Variants in DAB2IP observed in about 807,000 individuals in gnomAD.
DAB2IP encodes the protein disabled homolog 2-interacting protein.
A neutral mutation model predicts 107.2 loss-of-function variants in DAB2IP; 28 were observed. The ratio of observed to expected loss-of-function variants is 0.26; its 90% CI spans 0.19 to 0.36. The LOEUF is 0.36. DAB2IP is among the 10% of genes least tolerant of loss of function. The pLI is 1.00. For missense variants in DAB2IP, 1,400 were observed against 1,644.7 expected (o/e 0.85, Z 2.57); for synonymous variants, 755 against 706.4 (o/e 1.07, Z -1.09).
chr9:121,730,482 GAACC>G (rs1204570374), intron 3 of DAB2IP, among the ~76,000 whole-genome samples: 4 of 152,200 alleles, frequency 2.6e-5, no homozygotes, highest in African/African-American at 4.8e-5. Context: ...TCAGTGAATA[GAACC>G]TATCACCCTC....
At chr9:121,767,221 A>G (rs895928580) in intron 9 of DAB2IP, among the ~76,000 whole-genome samples, 1 of 152,204 alleles carries the variant, frequency 6.6e-6, no homozygotes, top group Non-Finnish European at 1.5e-5. Context: ...CCTTAGAGCA[A>G]GTGGGCAGAA....
intron 3 of DAB2IP, among the ~76,000 whole-genome samples, chr9:121,753,752 C>T (rs566200304): frequency 2.0e-5 from 3 of 152,206 alleles, no homozygotes; most frequent in African/African-American, 7.2e-5. Context: ...AGGTGGGTGC[C>T]TACAGGCATC....
chr9:121,590,226 G>A (rs1483727292), intron 1 of DAB2IP, among the ~76,000 whole-genome samples: 3 of 149,808 alleles, frequency 2.0e-5, no homozygotes, highest in South Asian at 2.2e-4. Context: ...CTTATGCTCC[G>A]TGACCGTCAT....
Position 121,607,895 on chromosome 9 carries a change from C to T in DAB2IP, c.40+40667C>T, listed in dbSNP as rs187669813. 1.9e-3 allele frequency among the ~76,000 whole-genome samples: 288 copies of T among 152,352 alleles called. 4 individuals carry two copies. Among genetic ancestry groups the T allele is most frequent in the Middle Eastern group, 3.4e-3 (1 of 294 alleles). ...TGTGACAACTGAGTCTACCAGGCAA[C>T]GGCTGTTTGCCGGGAGCAGCAGGAC... On this transcript the variant is annotated intron_variant, in intron 1 of 16. Coordinates refer to the DAB2IP transcript ENST00000259371.
At position 121,776,512 on chromosome 9, in the gene DAB2IP, G is replaced by A; in HGVS notation, c.3314+121G>A. 1 of 1,176,578 alleles carries A rather than the reference G, an allele frequency of 8.5e-7. No homozygotes were observed. The highest frequency in any genetic ancestry group is 1.6e-5 in the African/African-American group (1 of 64,512). The allele number at this position is 1,176,578 out of a possible 1,614,324, so 72.9% of individuals were successfully genotyped here. A position where few individuals can be genotyped will look rare whatever the true frequency, so the allele number is the denominator to read the frequency against. Reference sequence around the variant, plus strand: ...ATAAGCTGAATGTGGAGAGAGGAGGGAAGAGAGTGTCTGGGCAGTGGGAGC... The same window carrying A: ...ATAAGCTGAATGTGGAGAGAGGAGGAAAGAGAGTGTCTGGGCAGTGGGAGC... On this transcript the variant is annotated intron_variant, in intron 14 of 15. Coordinates refer to ENST00000408936, the Ensembl canonical transcript of DAB2IP. This position sits in a 1 kb window ranked among gnomAD's most constrained non-coding sequence, Gnocchi z 5.4.
At chr9:121,745,487 G>A (rs1316374361) in intron 3 of DAB2IP, among the ~76,000 whole-genome samples, 2 of 152,180 alleles carry the variant, frequency 1.3e-5, no homozygotes, top group Non-Finnish European at 2.9e-5. Context: ...AGCTGCTCTG[G>A]TGCCCCACGC....
At chr9:121,721,966 G>A (rs1321272112) in intron 3 of DAB2IP, among the ~76,000 whole-genome samples, 3 of 152,202 alleles carry the variant, frequency 2.0e-5, no homozygotes, top group Admixed American at 1.3e-4. Context: ...GTGCAGATGT[G>A]CTGCAGGCCT....
At chr9:121,783,736 G>A (rs928480584) in exon 16 of DAB2IP, 23 of 773,072 alleles carry the variant, frequency 3.0e-5, no homozygotes, top group East Asian at 1.8e-4. Flanking sequence ...CAAGGACCCA[G>A]GCGCTGCATA....
At chr9:121,589,441 C>T (rs761003042) in intron 1 of DAB2IP, among the ~76,000 whole-genome samples, 5 of 152,154 alleles carry the variant, frequency 3.3e-5, no homozygotes, top group Admixed American at 2.0e-4. Context: ...TTTTCTGTCT[C>T]GCTTCCTTAA....
chr9:121,719,145 G>A (rs1450519421), intron 3 of DAB2IP, among the ~76,000 whole-genome samples: 1 of 152,168 alleles, frequency 6.6e-6, no homozygotes, highest in African/African-American at 2.4e-5. Context: ...GCAAAGTGGA[G>A]CACATGACCA....
exon 16 of DAB2IP, chr9:121,784,436 G>A (rs1249357621): frequency 4.6e-5 from 7 of 152,986 alleles, no homozygotes; most frequent in Non-Finnish European, 1.0e-4. Flanking sequence ...GAGGCTCCCG[G>A]GGCCTGGACA....
intron 1 of DAB2IP, among the ~76,000 whole-genome samples, chr9:121,611,157 A>G (rs567016848): frequency 9.9e-5 from 15 of 152,172 alleles, no homozygotes; most frequent in Admixed American, 1.3e-4. Context: ...AATTTTTAGT[A>G]GAAACTAGAT....
chr9:121,783,694 C>T (rs1452008456), exon 16 of DAB2IP: 12 of 1,080,486 alleles, frequency 1.1e-5, no homozygotes, highest in African/African-American at 3.1e-5. Flanking sequence ...TGTGTGTGGC[C>T]GGCCTCCTCC....
intron 2 of DAB2IP, among the ~76,000 whole-genome samples, chr9:121,696,794 T>G (rs1829451849): frequency 1.3e-5 from 2 of 152,250 alleles, no homozygotes; most frequent in Non-Finnish European, 2.9e-5. Context: ...TGCAGGGTCC[T>G]GAGCTGAGTT....
At position 121,773,108 on chromosome 9, in the gene DAB2IP, C is replaced by T. The variant is rs775036313; in HGVS notation, c.2580C>T (p.His860=). The T allele has an allele frequency of 4.3e-6, 7 of 1,612,452 alleles. No individual in the cohort carries two copies. The African/African-American group carries it at 5.3e-5, about 12-fold the overall frequency. Residue 860 remains histidine (H), a synonymous_variant, in exon 12 of 16, where the codon CAC becomes CAT. Transcript: ENST00000408936. ...AGGGCCACAGCTCCCTGAGCTCACACAGCAACAGCGAGGAGTTGGCGGCTG... is the reference window on the plus strand; with the variant it reads ...AGGGCCACAGCTCCCTGAGCTCACATAGCAACAGCGAGGAGTTGGCGGCTG...
intron 1 of DAB2IP, among the ~76,000 whole-genome samples, chr9:121,621,053 G>C (rs1831444131): frequency 1.3e-5 from 2 of 152,166 alleles, no homozygotes; most frequent in African/African-American, 4.8e-5. Flanking sequence ...CAGCCCCTGG[G>C]ACAGGGAACC....
At chr9:121,704,626 A>G (rs1274105825) in intron 3 of DAB2IP, among the ~76,000 whole-genome samples, 1 of 152,098 alleles carries the variant, frequency 6.6e-6, no homozygotes, top group African/African-American at 2.4e-5. Flanking sequence ...ATGACAAGGA[A>G]TTCATTAATT....
In DAB2IP at chr9:121,645,241, A is replaced by G. The variant is rs985226791; in HGVS notation, c.41-33437A>G. 5.9e-5 allele frequency among the ~76,000 whole-genome samples: 9 copies of G among 152,190 alleles called. 1 individual carries two copies. Reference sequence around the variant, plus strand: ...GCAGGGAGAGGAAGTACACAGAGAGAGTGGCTCCAGGCTTGGCCATCTGGG... The same window carrying G: ...GCAGGGAGAGGAAGTACACAGAGAGGGTGGCTCCAGGCTTGGCCATCTGGG... On this transcript the variant is annotated intron_variant, in intron 1 of 16. Transcript: ENST00000259371.
chr9:121,570,107 CTTTTTTT>C (rs60818537), intron 1 of DAB2IP, among the ~76,000 whole-genome samples: 7 of 101,504 alleles, frequency 6.9e-5, no homozygotes, highest in South Asian at 3.4e-4. Flanking sequence ...TTCTCTTTCT[CTTTTTTT>C]TTTTTTTTTT....
Sources: allele counts gnomAD v4.1 joint callset (sites outside exome capture counted in the v4.1 genomes callset), GRCh38; gene constraint gnomAD v4.1.1; non-coding constraint Gnocchi (gnomAD v3.1); transcripts MANE v1.5; gene names NCBI Gene and HGNC (gene_info 2026-07-23, HGNC 2026-07-21).